The following KCNJ6 variants were observed in gnomAD, a reference collection of about 807,000 sequenced individuals.
The protein encoded by KCNJ6 is potassium inwardly rectifying channel subfamily J member 6.
In KCNJ6, 9 loss-of-function variants were observed where a neutral mutation model predicts 34.2. The observed-to-expected ratio is 0.26, with a 90% CI of 0.16 to 0.46. The LOEUF (loss-of-function observed/expected upper bound fraction) is 0.46, where lower values mean the gene tolerates loss of function less well. Among genes scored for constraint, KCNJ6 ranks in the 20% least tolerant of loss-of-function variants. KCNJ6 has a pLI of 1.00. For synonymous variants in KCNJ6, 196 were observed against 207.1 expected, an observed-to-expected ratio of 0.95 and a Z score of 0.46; for missense variants, 236 against 531.3, an observed-to-expected ratio of 0.44 and a Z score of 5.46.
At chr21:37,898,519 T>C (rs2055800515) in intron 1 of KCNJ6, among the ~76,000 whole-genome samples, 2 of 151,398 alleles carry the variant, frequency 1.3e-5, no homozygotes, top group Non-Finnish European at 2.9e-5. Flanking sequence ...GAGGCGAAGG[T>C]TGCAGTGAGC....
rs2054232454 is a variant in KCNJ6 at position 37,608,637 on chromosome 21, C to T, written c.*16522G>A. ...GTTTAGGTATTTCTAAAACTAGACT[C>T]AGTTACTTCACGTGTGAAGTGGGAA... On this transcript the variant is annotated 3_prime_UTR_variant, in exon 4 of 4. Coordinates refer to ENST00000609713, the MANE Select transcript of KCNJ6 (RefSeq NM_002240.5). 1 of 152,218 alleles carries T rather than the reference C, an allele frequency of 6.6e-6. No homozygotes were observed. Among genetic ancestry groups the T allele is most frequent in the Non-Finnish European group, 1.5e-5 (1 of 68,038 alleles). The allele number at this position is 152,218 out of a possible 1,614,324, so 9.4% of individuals were successfully genotyped here. A position where few individuals can be genotyped will look rare whatever the true frequency, so the allele number is the denominator to read the frequency against.
At chr21:37,911,168 G>T (rs548205384) in intron 1 of KCNJ6, among the ~76,000 whole-genome samples, 1 of 152,158 alleles carries the variant, frequency 6.6e-6, no homozygotes, top group East Asian at 1.9e-4. Context: ...AGCACTAACT[G>T]CAATTGTGAT....
intron 2 of KCNJ6, among the ~76,000 whole-genome samples, chr21:37,837,648 A>G (rs916901809): frequency 1.3e-5 from 2 of 152,090 alleles, no homozygotes; most frequent in Admixed American, 6.5e-5. Context: ...TTTAACAAGC[A>G]AAGTGTTTAT....
intron 3 of KCNJ6, among the ~76,000 whole-genome samples, chr21:37,699,746 T>G (rs538873773): frequency 2.0e-5 from 3 of 152,332 alleles, no homozygotes; most frequent in African/African-American, 7.2e-5. Context: ...GAGACTGAAA[T>G]CTGGGGACAA....
At chr21:37,719,350 T>C (rs2054811976) in intron 2 of KCNJ6, 2 of 152,216 alleles carry the variant, frequency 1.3e-5, no homozygotes, top group Admixed American at 6.5e-5. Flanking sequence ...ATCCCAGGTG[T>C]GAATTTGAGC....
intron 1 of KCNJ6, among the ~76,000 whole-genome samples, chr21:37,859,526 T>A (rs1275748697): frequency 5.2e-4 from 44 of 85,104 alleles, no homozygotes; most frequent in African/African-American, 2.0e-3. Context: ...TATATATATA[T>A]ATATAAAATA....
At chr21:37,704,589 T>C (rs1179534948) in intron 3 of KCNJ6, among the ~76,000 whole-genome samples, 2 of 152,136 alleles carry the variant, frequency 1.3e-5, no homozygotes, top group Non-Finnish European at 2.9e-5. Flanking sequence ...TGAGGAAATG[T>C]AAAAGGAAAT....
chr21:37,675,342 G>C lies in KCNJ6; in HGVS notation c.946+38869C>G, dbSNP rs1182777606. Among the ~76,000 whole-genome samples, 2 of 152,262 alleles carry C rather than the reference G, an allele frequency of 1.3e-5. No individual in the cohort carries two copies. Among genetic ancestry groups the C allele is most frequent in the Non-Finnish European group, 2.9e-5 (2 of 68,046 alleles). Reference sequence around the variant, plus strand: ...CAAGTTGGCGGGGATTTTTCCGCGAGTGGCTGCATTGGCTTTAAGAAACTG... The same window carrying C: ...CAAGTTGGCGGGGATTTTTCCGCGACTGGCTGCATTGGCTTTAAGAAACTG... On this transcript the variant is annotated intron_variant, in intron 3 of 3. Coordinates refer to ENST00000609713, the MANE Select transcript of KCNJ6 (RefSeq NM_002240.5). The surrounding 1 kb of genome is among the most constrained non-coding windows in gnomAD (Gnocchi z 4.2).
At chr21:37,837,599 T>C (rs1458567662) in intron 2 of KCNJ6, among the ~76,000 whole-genome samples, 1 of 152,206 alleles carries the variant, frequency 6.6e-6, no homozygotes, top group African/African-American at 2.4e-5. Context: ...TAGTTAAACA[T>C]AGAGATGTTC....
At position 37,661,614 on chromosome 21, in the gene KCNJ6, G is replaced by T. The variant is rs373809620; in HGVS notation, c.947-36130C>A. Among the ~76,000 whole-genome samples the T allele has an allele frequency of 9.8e-4, 70 of 71,168 alleles. 2 individuals are homozygous for T. Among genetic ancestry groups the T allele is most frequent in the South Asian group, 2.0e-3 (3 of 1,478 alleles). The allele number at this position is 71,168 out of a possible 152,430, so 46.7% of individuals were successfully genotyped here. A position where few individuals can be genotyped will look rare whatever the true frequency, so the allele number is the denominator to read the frequency against. On this transcript the variant is annotated intron_variant, in intron 3 of 3. Transcript: ENST00000609713. ...TCCACCCATTTCCTTAAGAGACATAGTTTTTTTTTTTTTTTTTTTTTTTTT... is the reference window on the plus strand; with the variant it reads ...TCCACCCATTTCCTTAAGAGACATATTTTTTTTTTTTTTTTTTTTTTTTTT...
At chr21:37,756,529 C>T (rs990732508) in intron 2 of KCNJ6, among the ~76,000 whole-genome samples, 1 of 152,238 alleles carries the variant, frequency 6.6e-6, no homozygotes, top group Non-Finnish European at 1.5e-5. Context: ...CCCCAGCATT[C>T]ACACTGCATT....
At chr21:37,910,691 G>C (rs2055863049) in intron 1 of KCNJ6, among the ~76,000 whole-genome samples, 1 of 152,166 alleles carries the variant, frequency 6.6e-6, no homozygotes, top group African/African-American at 2.4e-5. Flanking sequence ...ATGATTCCTG[G>C]TCCTAAGCAC....
chr21:37,758,950 G>A (rs188715555), intron 2 of KCNJ6, among the ~76,000 whole-genome samples: 76 of 152,286 alleles, frequency 5.0e-4, no homozygotes, highest in South Asian at 1.2e-3. Context: ...TATTTTACAG[G>A]CGAGGAAACT....
chr21:37,609,566 C>T lies in KCNJ6; in HGVS notation c.*15593G>A, dbSNP rs2054235323. 5 of 152,066 alleles carry T rather than the reference C, an allele frequency of 3.3e-5. No homozygotes were observed. Among genetic ancestry groups the T allele is most frequent in the Admixed American group, 2.0e-4 (3 of 15,266 alleles). 9.4% of individuals were successfully genotyped at this position (152,066 alleles called of 1,614,324 possible). A position where few individuals can be genotyped will look rare whatever the true frequency, so the allele number is the denominator to read the frequency against. ...GCCATTTTATTAGGAAAGACAAATACAATGAATTATCTTATGATTAATAAT... is the reference window on the plus strand; with the variant it reads ...GCCATTTTATTAGGAAAGACAAATATAATGAATTATCTTATGATTAATAAT... On this transcript the variant is annotated 3_prime_UTR_variant, in exon 4 of 4. Transcript: ENST00000609713.
intron 1 of KCNJ6, among the ~76,000 whole-genome samples, chr21:37,911,542 A>G (rs961205750): frequency 5.9e-5 from 9 of 152,192 alleles, no homozygotes; most frequent in African/African-American, 1.9e-4. Flanking sequence ...ACCAAACTTA[A>G]AGTTCTAATA....
At chr21:37,718,090 C>T (rs1269993785) in intron 2 of KCNJ6, among the ~76,000 whole-genome samples, 1 of 152,172 alleles carries the variant, frequency 6.6e-6, no homozygotes, top group Non-Finnish European at 1.5e-5. Flanking sequence ...ATCCTCTTTG[C>T]ATTGAGGGTT....
At chr21:37,701,739 G>A (rs1050562971) in intron 3 of KCNJ6, among the ~76,000 whole-genome samples, 1 of 152,142 alleles carries the variant, frequency 6.6e-6, no homozygotes, top group African/African-American at 2.4e-5. Context: ...AAGACCTCCT[G>A]AGCAAGATCT....
intron 3 of KCNJ6, among the ~76,000 whole-genome samples, chr21:37,687,586 T>C (rs2054621359): frequency 1.3e-5 from 2 of 152,198 alleles, no homozygotes; most frequent in African/African-American, 2.4e-5. Flanking sequence ...TTTATAGCTC[T>C]GGGCTTTTTT....
intron 2 of KCNJ6, among the ~76,000 whole-genome samples, chr21:37,833,943 C>T (rs1326900731): frequency 6.6e-6 from 1 of 152,204 alleles, no homozygotes; most frequent in African/African-American, 2.4e-5. Flanking sequence ...ATTTCTAGCC[C>T]TGGGGTGTCT....
Sources: gnomAD v4.1 joint callset for allele counts (sites outside exome capture counted in the v4.1 genomes callset) on GRCh38, gnomAD v4.1.1 for gene constraint, Gnocchi (gnomAD v3.1) non-coding constraint, MANE v1.5 for transcripts, NCBI Gene and HGNC (gene_info 2026-07-23, HGNC 2026-07-21) for gene names.